SND1: variants seen among roughly 807,000 people sequenced by gnomAD.
The protein encoded by SND1 is staphylococcal nuclease and tudor domain containing 1.
Under a neutral mutation model 121.7 loss-of-function variants are expected in SND1, and 38 were observed. That is an observed-to-expected ratio of 0.31 (90% CI 0.24 to 0.41). The LOEUF (loss-of-function observed/expected upper bound fraction) is 0.41. Among genes scored for constraint, SND1 ranks in the 10% least tolerant of loss-of-function variants. The pLI is 1.00. For missense variants in SND1, 868 were observed against 1,184.6 expected (o/e 0.73, Z 3.92); for synonymous variants, 401 against 447.4 (o/e 0.90, Z 1.31).
At chr7:128,021,936 G>A (rs140125881) in intron 16 of SND1, among the ~76,000 whole-genome samples, 1 of 152,140 alleles carries the variant, frequency 6.6e-6, no homozygotes, top group Non-Finnish European at 1.5e-5. Context: ...GGGTACAGTG[G>A]CTGACGCCTG....
At chr7:127,725,489 G>C (rs140604895) in intron 10 of SND1, among the ~76,000 whole-genome samples, 3 of 152,332 alleles carry the variant, frequency 2.0e-5, no homozygotes, top group African/African-American at 4.8e-5. Context: ...GCCCTAGTTA[G>C]AACAGGCTGG....
chr7:127,691,237 C>T (rs1795907996), intron 2 of SND1, among the ~76,000 whole-genome samples: 1 of 151,992 alleles, frequency 6.6e-6, no homozygotes, highest in African/African-American at 2.4e-5. Flanking sequence ...TTAAGAAATA[C>T]TATCTTTAAA....
At chr7:127,795,968 C>T (rs1048207103) in intron 10 of SND1, among the ~76,000 whole-genome samples, 1 of 152,068 alleles carries the variant, frequency 6.6e-6, no homozygotes, top group African/African-American at 2.4e-5. Flanking sequence ...CGCCATTGTC[C>T]TGCCTCAGCC....
intron 7 of SND1, among the ~76,000 whole-genome samples, chr7:127,703,567 C>T (rs1377826967): frequency 6.6e-6 from 1 of 152,094 alleles, no homozygotes; most frequent in Non-Finnish European, 1.5e-5. Context: ...CAAAAATTAG[C>T]CTGTCGTGGT....
chr7:128,029,330 G>C lies in SND1; in HGVS notation c.1779+38274G>C, dbSNP rs1277758490. On this transcript the variant is annotated intron_variant, in intron 16 of 23. Coordinates refer to ENST00000354725, the MANE Select transcript of SND1 (RefSeq NM_014390.4). The surrounding 1 kb of genome is among the most constrained non-coding windows in gnomAD (Gnocchi z 4.2). Reference sequence around the variant, plus strand: ...GCTCAGCCGTGCTCACATTGAGGTAGGCCGAGGCGTTGGAGTTGCCTGCAA... The same window carrying C: ...GCTCAGCCGTGCTCACATTGAGGTACGCCGAGGCGTTGGAGTTGCCTGCAA... 1.2e-6 allele frequency: 2 copies of C among 1,614,056 alleles called. No homozygotes were observed. Among genetic ancestry groups the C allele is most frequent in the Non-Finnish European group, 1.7e-6 (2 of 1,180,046 alleles).
chr7:127,801,233 A>C (rs1798122221), intron 10 of SND1, among the ~76,000 whole-genome samples: 1 of 152,222 alleles, frequency 6.6e-6, no homozygotes, highest in South Asian at 2.1e-4. Context: ...ATCAGTGGTT[A>C]AGGGGCATTC....
intron 9 of SND1, among the ~76,000 whole-genome samples, chr7:127,715,710 A>C (rs542347889): frequency 6.6e-6 from 1 of 152,298 alleles, no homozygotes; most frequent in Non-Finnish European, 1.5e-5. Flanking sequence ...TTGTTACACA[A>C]AATTTTCATG....
chr7:127,702,528 T>C lies in SND1; in HGVS notation c.681+2T>C. 6.2e-7 allele frequency: 1 copy of C among 1,613,390 alleles called. No homozygotes were observed. The highest frequency in any genetic ancestry group is 8.5e-7 in the Non-Finnish European group (1 of 1,179,368). On this transcript the variant is annotated splice_donor_variant, in intron 6 of 23. Transcript: ENST00000354725. LOFTEE classifies it high-confidence loss of function. ...ACAGTCATGCTGTCAGGCATCAAGG[T>C]CAGACCATACTCTTGGCTACGTGGT... is the stretch of plus-strand genomic sequence containing the variant.
chr7:128,002,990 G>A (rs1187687921), intron 16 of SND1, among the ~76,000 whole-genome samples: 1 of 152,204 alleles, frequency 6.6e-6, no homozygotes, highest in Non-Finnish European at 1.5e-5. Flanking sequence ...TGGAGGCCGA[G>A]GCAGGGGGAT....
At chr7:127,830,247 G>A (rs1260418931) in intron 11 of SND1, among the ~76,000 whole-genome samples, 4 of 152,090 alleles carry the variant, frequency 2.6e-5, no homozygotes, top group Non-Finnish European at 5.9e-5. Context: ...GCTGGGCGTG[G>A]TGGTGGGCGC....
At chr7:127,664,493 G>A (rs778748798) in intron 1 of SND1, among the ~76,000 whole-genome samples, 5 of 152,146 alleles carry the variant, frequency 3.3e-5, no homozygotes, top group Admixed American at 1.3e-4. Flanking sequence ...GCCCAGAGAG[G>A]GCATGGAGGC....
chr7:127,702,685 T>C (rs1796124542), intron 6 of SND1, among the ~76,000 whole-genome samples, 159 bp downstream of exon 6: 1 of 152,242 alleles, frequency 6.6e-6, no homozygotes, highest in Non-Finnish European at 1.5e-5. Context: ...AGTACGACAG[T>C]TCTAATTGGA....
intron 12 of SND1, among the ~76,000 whole-genome samples, chr7:127,865,720 C>T (rs969989842): frequency 6.6e-6 from 1 of 151,862 alleles, no homozygotes; most frequent in African/African-American, 2.4e-5. Flanking sequence ...GATCCTCCTA[C>T]TTCAGCTTCC....
At chr7:127,697,506 C>T (rs1428993938) in intron 3 of SND1, among the ~76,000 whole-genome samples, 2 of 152,204 alleles carry the variant, frequency 1.3e-5, no homozygotes, top group African/African-American at 4.8e-5. Context: ...CTTCACTGCT[C>T]AATTTTCCCT....
At chr7:127,922,403 G>A (rs1800739324) in intron 14 of SND1, among the ~76,000 whole-genome samples, 1 of 151,830 alleles carries the variant, frequency 6.6e-6, no homozygotes, top group Non-Finnish European at 1.5e-5. Context: ...TCCGAATGGT[G>A]CTTTGCATGT....
chr7:127,839,313 G>T (rs917304673), intron 11 of SND1, among the ~76,000 whole-genome samples: 3 of 152,148 alleles, frequency 2.0e-5, no homozygotes, highest in Non-Finnish European at 4.4e-5. Context: ...ATTTATGAGT[G>T]GCTATGTGGA....
At chr7:127,652,822 C>G (rs1287663149) in intron 1 of SND1, among the ~76,000 whole-genome samples, 1 of 152,192 alleles carries the variant, frequency 6.6e-6, no homozygotes, top group East Asian at 1.9e-4. Context: ...AGTAGTTTTT[C>G]GAGATCCTGA....
At chr7:127,970,062 CTATA>C (rs1223930411) in intron 15 of SND1, among the ~76,000 whole-genome samples, 1 of 152,162 alleles carries the variant, frequency 6.6e-6, no homozygotes, top group Non-Finnish European at 1.5e-5. Context: ...CTCCAGTAGT[CTATA>C]TAGTCACTTG....
At chr7:128,010,242 A>G (rs879384989) in intron 16 of SND1, among the ~76,000 whole-genome samples, 4 of 152,258 alleles carry the variant, frequency 2.6e-5, no homozygotes, top group Non-Finnish European at 5.9e-5. Context: ...ATGACACAGT[A>G]TAGTGGAACA....
Sources: allele counts gnomAD v4.1 joint callset (sites outside exome capture counted in the v4.1 genomes callset), GRCh38; gene constraint gnomAD v4.1.1; non-coding constraint Gnocchi (gnomAD v3.1); transcripts MANE v1.5; gene names NCBI Gene and HGNC (gene_info 2026-07-23, HGNC 2026-07-21).